The following EGLN1 variants were observed in gnomAD, a reference collection of about 807,000 sequenced individuals.
EGLN1 encodes egl nine homolog 1.
EGLN1 carries 17 observed loss-of-function variants against 38.3 expected under a neutral mutation model. The observed-to-expected ratio is 0.44, with a 90% CI of 0.30 to 0.67. The LOEUF (loss-of-function observed/expected upper bound fraction) is 0.67, where lower values mean the gene tolerates loss of function less well. EGLN1 is among the 30% of genes least tolerant of loss of function. The probability of loss-of-function intolerance (pLI) is 0.08; values close to 1 mark genes in which losing one functional copy is unlikely to be tolerated. For synonymous variants in EGLN1, 283 were observed against 257.5 expected (o/e 1.10, Z -0.95); for missense variants, 477 against 603.3 (o/e 0.79, Z 2.19).
intron 1 of EGLN1, among the ~76,000 whole-genome samples, chr1:231,380,972 T>C (rs954290633): frequency 2.6e-5 from 4 of 152,136 alleles, no homozygotes; most frequent in Admixed American, 1.3e-4. Context: ...CAGGCTGGAG[T>C]GCAGTGGCGT....
At chr1:231,367,514 A>C in intron 4 of EGLN1, 55 bp downstream of exon 4, 1 of 1,542,806 alleles carries the variant, frequency 6.5e-7, no homozygotes, top group Non-Finnish European at 9.0e-7. Flanking sequence ...TGAAAGCATC[A>C]CCTGATTGCA....
At position 231,365,543 on chromosome 1, in the gene EGLN1, T is replaced by G. The variant is rs558495599; in HGVS notation, c.*868A>C. On this transcript the variant is annotated 3_prime_UTR_variant, in exon 5 of 5. Coordinates refer to ENST00000366641, the MANE Select transcript of EGLN1 (RefSeq NM_022051.3). ...GTCCCAGCTAGTTGGGAGGCTGAGGTGGGAGGATTGCTTGAACCTGGGAGG... is the reference window on the plus strand; with the variant it reads ...GTCCCAGCTAGTTGGGAGGCTGAGGGGGGAGGATTGCTTGAACCTGGGAGG... 1.3e-5 allele frequency: 2 copies of G among 152,250 alleles called. No homozygotes were observed. Among genetic ancestry groups the G allele is most frequent in the East Asian group, 3.9e-4 (2 of 5,180 alleles). The allele number at this position is 152,250 out of a possible 1,614,324, so 9.4% of individuals were successfully genotyped here.
intron 3 of EGLN1, among the ~76,000 whole-genome samples, chr1:231,368,644 T>C (rs1157045725): frequency 6.6e-6 from 1 of 152,200 alleles, no homozygotes; most frequent in Non-Finnish European, 1.5e-5. Context: ...GGGCAGAATA[T>C]AGCAATTAGT....
chr1:231,383,827 T>C (rs1332502247), intron 1 of EGLN1, among the ~76,000 whole-genome samples: 1 of 152,106 alleles, frequency 6.6e-6, no homozygotes, highest in African/African-American at 2.4e-5. Flanking sequence ...CTTGAAATTA[T>C]GACTTATCAG....
At chr1:231,372,430 C>T (rs1336392899) in intron 2 of EGLN1, among the ~76,000 whole-genome samples, 1 of 151,260 alleles carries the variant, frequency 6.6e-6, no homozygotes, top group Non-Finnish European at 1.5e-5. Flanking sequence ...ATGACCCTGA[C>T]TAAGTATTAT....
chr1:231,396,032 T>TAAA (rs201443732), intron 1 of EGLN1, among the ~76,000 whole-genome samples: 889 of 41,198 alleles, frequency 0.022, 15 homozygotes, highest in Non-Finnish European at 0.061. Flanking sequence ...CCCCACTCCT[T>TAAA]TAAAAAGAAA....
At chr1:231,385,370 G>A (rs1230558918) in intron 1 of EGLN1, among the ~76,000 whole-genome samples, 1 of 152,200 alleles carries the variant, frequency 6.6e-6, no homozygotes, top group Non-Finnish European at 1.5e-5. Flanking sequence ...AAAATGACCA[G>A]TCCATGCGCT....
intron 1 of EGLN1, among the ~76,000 whole-genome samples, chr1:231,409,376 T>C (rs1688875879): frequency 6.6e-6 from 1 of 152,168 alleles, no homozygotes; most frequent in African/African-American, 2.4e-5. Flanking sequence ...CAACATTGTA[T>C]TTCCCTCACA....
At chr1:231,395,564 C>G (rs1198701368) in intron 1 of EGLN1, among the ~76,000 whole-genome samples, 1 of 152,186 alleles carries the variant, frequency 6.6e-6, no homozygotes, top group African/African-American at 2.4e-5. Flanking sequence ...TTTATCAGAG[C>G]AAGCACTGAA....
intron 1 of EGLN1, among the ~76,000 whole-genome samples, chr1:231,399,796 T>C (rs577167867): frequency 2.3e-4 from 35 of 152,274 alleles, no homozygotes; most frequent in Admixed American, 7.8e-4. Flanking sequence ...CTTTGCATCC[T>C]ACATTCTTGA....
intron 1 of EGLN1, among the ~76,000 whole-genome samples, chr1:231,400,750 A>C (rs1359252971): frequency 1.3e-5 from 2 of 152,110 alleles, no homozygotes; most frequent in Non-Finnish European, 2.9e-5. Flanking sequence ...GGCTCATCCT[A>C]ACCTTTTAAA....
chr1:231,407,991 G>C (rs1185926005), intron 1 of EGLN1, among the ~76,000 whole-genome samples: 2 of 152,076 alleles, frequency 1.3e-5, no homozygotes, highest in Non-Finnish European at 2.9e-5. Context: ...GATCAGCTGA[G>C]GGCAGTTCAC....
In EGLN1 at chr1:231,370,712, C is replaced by G. The variant is rs200827505; in HGVS notation, c.1012-14G>C. On this transcript the variant is annotated splice_polypyrimidine_tract_variant and intron_variant, in intron 2 of 4. Coordinates refer to ENST00000366641, the MANE Select transcript of EGLN1 (RefSeq NM_022051.3). ...ACCTCCACTTACCTAGGAAAAGAGC[C>G]AAATATGTAAGCAGGAGTAACCAAA... The G allele has an allele frequency of 2.5e-6, 4 of 1,613,790 alleles. No individual in the cohort carries two copies. The East Asian group carries it at 8.9e-5, about 36-fold the overall frequency.
chr1:231,368,858 C>T (rs1687737220), intron 3 of EGLN1, among the ~76,000 whole-genome samples: 1 of 152,228 alleles, frequency 6.6e-6, no homozygotes, highest in African/African-American at 2.4e-5. Flanking sequence ...GGTCTCCTGA[C>T]TTCCAGACCA....
intron 1 of EGLN1, among the ~76,000 whole-genome samples, chr1:231,378,912 G>T (rs1019653105): frequency 2.0e-5 from 3 of 152,138 alleles, no homozygotes; most frequent in Non-Finnish European, 2.9e-5. Context: ...ACTATGCTTT[G>T]ACATAGCACT....
In EGLN1 at chr1:231,369,794, C is replaced by A. The variant is rs570750998; in HGVS notation, c.1148+768G>T. 1.2e-3 allele frequency among the ~76,000 whole-genome samples: 177 copies of A among 152,326 alleles called. 1 individual carries two copies. Among genetic ancestry groups the A allele is most frequent in the African/African-American group, 3.6e-3 (151 of 41,572 alleles). ...CAAATGAATGCCGGAAGCTCACTAT[C>A]AGAATGTTCCAAGACCTTTCCATAA... On this transcript the variant is annotated intron_variant, in intron 3 of 4. Transcript: ENST00000366641.
chr1:231,417,765 G>A (rs113502414), intron 1 of EGLN1, among the ~76,000 whole-genome samples: 18 of 152,124 alleles, frequency 1.2e-4, no homozygotes, highest in East Asian at 1.2e-3. Flanking sequence ...CATAAACAGC[G>A]GCCAGATAAG....
intron 1 of EGLN1, among the ~76,000 whole-genome samples, chr1:231,385,402 G>GA (rs1171428450): frequency 6.6e-6 from 1 of 152,222 alleles, no homozygotes; most frequent in African/African-American, 2.4e-5. Context: ...TGGGGAGAAG[G>GA]TTGGGATCAG....
At chr1:231,372,875 C>T (rs1343856563) in intron 2 of EGLN1, among the ~76,000 whole-genome samples, 2 of 151,928 alleles carry the variant, frequency 1.3e-5, no homozygotes, top group African/African-American at 2.4e-5. Flanking sequence ...TTGGGGGATG[C>T]AGAGAAAGAG....
Sources: allele counts gnomAD v4.1 joint callset (sites outside exome capture counted in the v4.1 genomes callset), GRCh38; gene constraint gnomAD v4.1.1; transcripts MANE v1.5; gene names NCBI Gene and HGNC (gene_info 2026-07-23, HGNC 2026-07-21).